ZNF177: variants seen among roughly 807,000 people sequenced by gnomAD.
ZNF177 encodes the protein zinc finger protein 177.
A neutral mutation model predicts 19.4 loss-of-function variants in ZNF177; 17 were observed. The ratio of observed to expected loss-of-function variants is 0.87; its 90% CI spans 0.60 to 1.31. The LOEUF (loss-of-function observed/expected upper bound fraction) is 1.31, where lower values mean the gene tolerates loss of function less well. ZNF177 is among the 40% of genes most tolerant of loss of function. ZNF177 has a pLI of 0.00. For synonymous variants in ZNF177, 220 were observed against 188.7 expected (o/e 1.17, Z -1.36); for missense variants, 633 against 561.8 (o/e 1.13, Z -1.28).
At chr19:9,375,028 C>T (rs1416409183), upstream of ZNF177, among the ~76,000 whole-genome samples, 2 of 152,106 alleles carry the variant, frequency 1.3e-5, no homozygotes, top group African/African-American at 2.4e-5. Flanking sequence ...GTAACTAATT[C>T]GTTGAGGGTT....
intron 1 of ZNF177, among the ~76,000 whole-genome samples, chr19:9,364,328 C>T (rs1453290863): frequency 1.3e-5 from 2 of 152,110 alleles, no homozygotes; most frequent in African/African-American, 2.4e-5. Flanking sequence ...CAACTTGGGC[C>T]TGGAGGACTG....
At chr19:9,368,035 TTTC>T (rs1471634870) in intron 2 of ZNF177, among the ~76,000 whole-genome samples, 1 of 152,228 alleles carries the variant, frequency 6.6e-6, no homozygotes, top group African/African-American at 2.4e-5. Context: ...ACTGGAATTC[TTTC>T]TTCTTTGAGT....
chr19:9,369,104 T>G (rs138368741), intron 2 of ZNF177, among the ~76,000 whole-genome samples: 3 of 152,208 alleles, frequency 2.0e-5, no homozygotes, highest in African/African-American at 7.2e-5. Context: ...TATAAACACT[T>G]CATGTGTGCT....
chr19:9,373,535 A>G (rs547894483), upstream of ZNF177, among the ~76,000 whole-genome samples: 5 of 152,314 alleles, frequency 3.3e-5, no homozygotes, highest in South Asian at 1.0e-3. Context: ...ACTGCTTTCC[A>G]TAATGGCTGT....
rs897081976 is a variant in ZNF177 at position 9,381,851 on chromosome 19, T to C, written c.*74T>C. 4.6e-6 allele frequency: 7 copies of C among 1,515,530 alleles called. No individual in the cohort carries two copies. In the East Asian group the frequency reaches 1.4e-4, roughly 29 times the overall value. 93.9% of individuals were successfully genotyped at this position (1,515,530 alleles called of 1,614,324 possible). ...TAGAACATATATTGGAGAGAAGCCC[T>C]GTTATGGTCACCTGGAAACAGCCTT... On this transcript the variant is annotated 3_prime_UTR_variant, in exon 6 of 6. Coordinates refer to ENST00000589262, the Ensembl canonical transcript of ZNF177.
Position 9,378,345 on chromosome 19 carries a change from G to A in ZNF177, c.33+1G>A, listed in dbSNP as rs533296315. On this transcript the variant is annotated splice_donor_variant, in intron 2 of 5. Transcript: ENST00000589262. LOFTEE classifies it high-confidence loss of function. ...AGGGTGGCTGACAACCTGGTCACAG[G>A]TACACAAGAAATTTCTCTATTTCCA... is the stretch of plus-strand genomic sequence containing the variant. 2.5e-6 allele frequency: 4 copies of A among 1,613,580 alleles called. No individual in the cohort carries two copies. In the East Asian group the frequency reaches 6.7e-5, roughly 27 times the overall value.
upstream of ZNF177, among the ~76,000 whole-genome samples, chr19:9,373,033 T>C (rs975321502): frequency 6.6e-6 from 1 of 152,198 alleles, no homozygotes; most frequent in Non-Finnish European, 1.5e-5. Context: ...TGCACTCTCT[T>C]GGAAAATTTC....
At chr19:9,379,765 T>C (rs960441659) in intron 4 of ZNF177, 146 bp downstream of exon 6, 1 of 1,016,514 alleles carries the variant, frequency 9.8e-7, no homozygotes, top group Non-Finnish European at 1.4e-6. Flanking sequence ...CATACGTTCA[T>C]TTGGTCTCCG....
chr19:9,381,439 T>C, exon 6 of ZNF177: 1 of 1,611,560 alleles, frequency 6.2e-7, no homozygotes. Flanking sequence ...ACCCTATGAA[T>C]GCAGTGACTG....
At chr19:9,381,813 T>A in exon 6 of ZNF177, 2 of 1,552,400 alleles carry the variant, frequency 1.3e-6, no homozygotes, top group East Asian at 2.2e-5. Flanking sequence ...CCCTCATGCC[T>A]CCTTTCTCAC....
At chr19:9,380,893 G>C (rs553051647) in exon 6 of ZNF177, 1 of 1,535,976 alleles carries the variant, frequency 6.5e-7, no homozygotes, top group Non-Finnish European at 8.7e-7. Context: ...TTTCAATCAA[G>C]AGTCATCCCT....
chr19:9,375,204 A>G (rs570468425), upstream of ZNF177, among the ~76,000 whole-genome samples: 235 of 152,296 alleles, frequency 1.5e-3, no homozygotes, highest in Middle Eastern at 6.8e-3. Context: ...ATCATGGTGT[A>G]TGGTCCTTTT....
intron 1 of ZNF177, among the ~76,000 whole-genome samples, chr19:9,377,126 A>AT (rs1303538836): frequency 2.0e-5 from 3 of 152,186 alleles, no homozygotes; most frequent in African/African-American, 7.2e-5. Context: ...CTCTCATAAC[A>AT]TTTTAATAGT....
At chr19:9,367,241 A>G (rs2067992372) in intron 2 of ZNF177, among the ~76,000 whole-genome samples, 1 of 152,030 alleles carries the variant, frequency 6.6e-6, no homozygotes, top group Non-Finnish European at 1.5e-5. Context: ...AATCACCTGA[A>G]CCTGGCGAGG....
intron 1 of ZNF177, among the ~76,000 whole-genome samples, chr19:9,377,560 T>C (rs1441428015): frequency 1.3e-5 from 2 of 152,136 alleles, no homozygotes; most frequent in East Asian, 3.9e-4. Flanking sequence ...CCTAGATTAA[T>C]GCGTATGTGT....
At chr19:9,379,751 C>G (rs2068164045) in intron 4 of ZNF177, 132 bp downstream of exon 6, 2 of 1,091,556 alleles carry the variant, frequency 1.8e-6, no homozygotes, top group African/African-American at 1.6e-5. Flanking sequence ...TCTATTCAAT[C>G]GTTCATACGT....
intron 2 of ZNF177, among the ~76,000 whole-genome samples, chr19:9,365,885 AT>A (rs2067972134): frequency 1.3e-5 from 2 of 152,258 alleles, no homozygotes; most frequent in African/African-American, 4.8e-5. Flanking sequence ...AATTGGATTG[AT>A]GTTCCTTGGC....
upstream of ZNF177, among the ~76,000 whole-genome samples, chr19:9,373,633 ATT>A (rs1234682154): frequency 6.6e-6 from 1 of 152,194 alleles, no homozygotes; most frequent in Non-Finnish European, 1.5e-5. Flanking sequence ...GATAATATCT[ATT>A]ATAACAAGTG....
chr19:9,380,902 C>T (rs2068187578), exon 6 of ZNF177: 1 of 1,536,020 alleles, frequency 6.5e-7, no homozygotes, highest in South Asian at 1.2e-5. Flanking sequence ...AGAGTCATCC[C>T]TCAGGAAACA....
Sources: allele counts gnomAD v4.1 joint callset (sites outside exome capture counted in the v4.1 genomes callset), GRCh38; gene constraint gnomAD v4.1.1; transcripts MANE v1.5; gene names NCBI Gene and HGNC (gene_info 2026-07-23, HGNC 2026-07-21).